Variants in NPFFR2 observed in about 807,000 individuals in gnomAD.
NPFFR2 encodes the protein neuropeptide FF receptor 2.
NPFFR2 carries 15 observed loss-of-function variants against 13.1 expected under a neutral mutation model. The observed-to-expected ratio is 1.15, with a 90% CI of 0.77 to 1.76. The LOEUF (loss-of-function observed/expected upper bound fraction) is 1.76, where lower values mean the gene tolerates loss of function less well. Ranked by LOEUF, NPFFR2 falls within the 40% of genes most tolerant of loss-of-function variation. The probability of loss-of-function intolerance (pLI) is 0.00; values close to 1 mark genes in which losing one functional copy is unlikely to be tolerated. For synonymous variants in NPFFR2, 190 were observed against 175.7 expected, an observed-to-expected ratio of 1.08 and a Z score of -0.65; for missense variants, 572 against 503.5, an observed-to-expected ratio of 1.14 and a Z score of -1.30.
chr4:72,080,714 G>A lies in NPFFR2; in HGVS notation c.-7-47871G>A, dbSNP rs115115861. 2.9e-3 allele frequency among the ~76,000 whole-genome samples: 448 copies of A among 152,196 alleles called. 2 individuals are homozygous for A. Among genetic ancestry groups the A allele is most frequent in the African/African-American group, 0.011 (440 of 41,514 alleles). On this transcript the variant is annotated intron_variant, in intron 1 of 3. Transcript: ENST00000308744. ...ATGTTCTCCATAATCTCCTTAATCT[G>A]TATACTTCCAGCTTAGAGTTGGATA... is the stretch of plus-strand genomic sequence containing the variant.
chr4:72,116,401 A>G (rs10938006), intron 1 of NPFFR2, among the ~76,000 whole-genome samples: 132,674 of 151,104 alleles, frequency 0.88, 59,798 homozygotes, highest in Non-Finnish European at 0.99. Flanking sequence ...GACAATGGAC[A>G]CTGGGGACTA....
chr4:72,115,948 G>A (rs989578951), intron 1 of NPFFR2, among the ~76,000 whole-genome samples: 1 of 152,228 alleles, frequency 6.6e-6, no homozygotes, highest in Admixed American at 6.5e-5. Flanking sequence ...CTCTTGGATT[G>A]TATGGGCAAT....
intron 1 of NPFFR2, among the ~76,000 whole-genome samples, chr4:72,038,998 G>A (rs1436724143): frequency 3.0e-5 from 4 of 133,620 alleles, no homozygotes; most frequent in South Asian, 2.6e-4. Context: ...TCCGCCTCCC[G>A]GGTTCGCGCC....
intron 1 of NPFFR2, among the ~76,000 whole-genome samples, chr4:72,077,570 T>G (rs1720484623): frequency 6.6e-6 from 1 of 152,132 alleles, no homozygotes; most frequent in Non-Finnish European, 1.5e-5. Flanking sequence ...AACAGGTTGA[T>G]TATTAATTAG....
In NPFFR2 at chr4:72,077,994, T is replaced by C. The variant is rs181294576; in HGVS notation, c.-8+45794T>C. Among the ~76,000 whole-genome samples the C allele has an allele frequency of 5.8e-3, 888 of 152,142 alleles. 12 individuals are homozygous for C. Among genetic ancestry groups the C allele is most frequent in the African/African-American group, 0.02 (848 of 41,520 alleles). ...GTGGTTGTGTGGTGGTGTCATTTCC[T>C]TTTTTTGTTTGCCAGAACCATTCTG... On this transcript the variant is annotated intron_variant, in intron 1 of 3. Coordinates refer to ENST00000308744, the MANE Select transcript of NPFFR2 (RefSeq NM_004885.3).
At chr4:72,117,417 G>C (rs1451314248) in intron 1 of NPFFR2, among the ~76,000 whole-genome samples, 2 of 152,056 alleles carry the variant, frequency 1.3e-5, no homozygotes, top group Non-Finnish European at 2.9e-5. Flanking sequence ...TTCATCTTTA[G>C]AGTTTGCCAG....
chr4:72,087,628 A>G (rs749845677), intron 1 of NPFFR2, among the ~76,000 whole-genome samples: 4 of 152,026 alleles, frequency 2.6e-5, no homozygotes, highest in Non-Finnish European at 4.4e-5. Flanking sequence ...CAGAGAAATA[A>G]GCTAATATCT....
intron 2 of NPFFR2, among the ~76,000 whole-genome samples, chr4:72,133,994 G>A (rs1168991439): frequency 6.6e-6 from 1 of 152,178 alleles, no homozygotes; most frequent in Non-Finnish European, 1.5e-5. Flanking sequence ...GCCAGGCAGA[G>A]TGGCTCACAC....
chr4:72,117,192 A>G, intron 1 of NPFFR2, among the ~76,000 whole-genome samples: 1 of 152,098 alleles, frequency 6.6e-6, no homozygotes, highest in East Asian at 1.9e-4. Context: ...GGCAGGACTG[A>G]CAGTAAATCA....
Position 72,050,267 on chromosome 4 carries a change from C to G in NPFFR2, c.-8+18067C>G, listed in dbSNP as rs557580944. ...ACAAATCCTTTGCCATTGACATTAA[C>G]CAGAAGACAGGGTACTATATAAACC... On this transcript the variant is annotated intron_variant, in intron 1 of 3. Coordinates refer to ENST00000308744, the MANE Select transcript of NPFFR2 (RefSeq NM_004885.3). 1.3e-4 allele frequency among the ~76,000 whole-genome samples: 20 copies of G among 152,060 alleles called. No individual in the cohort carries two copies. In the East Asian group the frequency reaches 3.3e-3, roughly 25 times the overall value.
In NPFFR2 at chr4:72,125,723, C is replaced by G. The variant is rs148914670; in HGVS notation, c.-7-2862C>G. 6.1e-3 allele frequency among the ~76,000 whole-genome samples: 935 copies of G among 152,320 alleles called. 6 individuals carry two copies. Among genetic ancestry groups the G allele is most frequent in the Middle Eastern group, 0.01 (3 of 294 alleles). On this transcript the variant is annotated intron_variant, in intron 1 of 3. Coordinates refer to ENST00000308744, the MANE Select transcript of NPFFR2 (RefSeq NM_004885.3). ...GCAAAGGCCCATCAAGTTGGTCTCA[C>G]CTGGAAGAGCTCTAATACTGATGCT...
At chr4:72,057,424 C>T (rs1293592278) in intron 1 of NPFFR2, among the ~76,000 whole-genome samples, 1 of 151,994 alleles carries the variant, frequency 6.6e-6, no homozygotes, top group Non-Finnish European at 1.5e-5. Context: ...TTCTTCCTTG[C>T]TTCTTCCAGC....
intron 1 of NPFFR2, among the ~76,000 whole-genome samples, chr4:72,127,797 A>G (rs1722107635): frequency 6.6e-6 from 1 of 152,060 alleles, no homozygotes. Context: ...AATAATATTC[A>G]GGCCACGCAC....
At chr4:72,123,126 A>G (rs922537365) in intron 1 of NPFFR2, among the ~76,000 whole-genome samples, 6 of 152,234 alleles carry the variant, frequency 3.9e-5, no homozygotes, top group Non-Finnish European at 7.3e-5. Context: ...CCATCAGAAT[A>G]CTATAAACAC....
At chr4:72,075,089 T>C (rs1033395234) in intron 1 of NPFFR2, among the ~76,000 whole-genome samples, 5 of 152,162 alleles carry the variant, frequency 3.3e-5, no homozygotes, top group Non-Finnish European at 7.4e-5. Context: ...GATTACCATT[T>C]GAGTCAGTGG....
At chr4:72,125,086 A>T (rs1721997878) in intron 1 of NPFFR2, among the ~76,000 whole-genome samples, 1 of 152,242 alleles carries the variant, frequency 6.6e-6, no homozygotes, top group African/African-American at 2.4e-5. Context: ...ATTTACCAGA[A>T]AAAACAACCC....
At chr4:72,128,987 C>G in intron 2 of NPFFR2, 68 bp downstream of exon 2, 3 of 1,187,932 alleles carry the variant, frequency 2.5e-6, no homozygotes, top group African/African-American at 1.5e-5. Context: ...CAGCCATTGG[C>G]AGGGCTGTTC....
chr4:72,110,281 C>T (rs1357694018), intron 1 of NPFFR2, among the ~76,000 whole-genome samples: 1 of 151,932 alleles, frequency 6.6e-6, no homozygotes, highest in Non-Finnish European at 1.5e-5. Context: ...GTTTGCTTCC[C>T]CTTTTGCGAT....
intron 2 of NPFFR2, among the ~76,000 whole-genome samples, chr4:72,133,267 C>T (rs1722307915): frequency 6.6e-6 from 1 of 152,110 alleles, no homozygotes; most frequent in Admixed American, 6.5e-5. Context: ...AGTCCTTTCC[C>T]CATTACTTGC....
Sources: gnomAD v4.1 joint callset for allele counts (sites outside exome capture counted in the v4.1 genomes callset) on GRCh38, gnomAD v4.1.1 for gene constraint, MANE v1.5 for transcripts, NCBI Gene and HGNC (gene_info 2026-07-23, HGNC 2026-07-21) for gene names.